ZC3H7B: variants seen among roughly 807,000 people sequenced by gnomAD.
ZC3H7B encodes zinc finger CCCH domain-containing protein 7B.
In ZC3H7B, 35 loss-of-function variants were observed where a neutral mutation model predicts 116.0. The ratio of observed to expected loss-of-function variants is 0.30; its 90% CI spans 0.23 to 0.40. ZC3H7B has a LOEUF of 0.40. Among genes scored for constraint, ZC3H7B ranks in the 10% least tolerant of loss-of-function variants. ZC3H7B has a pLI of 1.00. For missense variants in ZC3H7B, 1,011 were observed against 1,321.5 expected (o/e 0.77, Z 3.64); for synonymous variants, 502 against 545.6 (o/e 0.92, Z 1.11).
rs1369472736 is a variant in ZC3H7B at position 41,338,104 on chromosome 22, G to A, written c.583-209G>A. Among the ~76,000 whole-genome samples, 1 of 152,100 alleles carries A rather than the reference G, an allele frequency of 6.6e-6. No individual in the cohort carries two copies. Among genetic ancestry groups the A allele is most frequent in the African/African-American group, 2.4e-5 (1 of 41,406 alleles). On this transcript the variant is annotated intron_variant, in intron 7 of 22. Transcript: ENST00000352645. This position sits in a 1 kb window ranked among gnomAD's most constrained non-coding sequence, Gnocchi z 4.5. Reference sequence around the variant, plus strand: ...GCTGGTCTTGAATTTCTGACCTCAGGTGATCCACCCACCTCAGCCTCCCCA... The same window carrying A: ...GCTGGTCTTGAATTTCTGACCTCAGATGATCCACCCACCTCAGCCTCCCCA...
chr22:41,326,354 C>G (rs1316834425), intron 4 of ZC3H7B, among the ~76,000 whole-genome samples: 1 of 151,514 alleles, frequency 6.6e-6, no homozygotes, highest in Non-Finnish European at 1.5e-5. Flanking sequence ...CTCACTGTTC[C>G]TCCCATAGCC....
At position 41,343,566 on chromosome 22, in the gene ZC3H7B, C is replaced by T. The variant is rs775474233; in HGVS notation, c.1449C>T (p.Tyr483=). ...PTKTSFVGSY[Y]LCKDMINKQD... The stretch of plus-strand genomic sequence containing the variant: ...AGACCAGCTTCGTGGGCTCCTACTA[C>T]CTGTGCAAAGGTGGGTGGGCTGCAG... Residue 483 remains tyrosine (Y), a synonymous_variant, in exon 13 of 23, where the codon TAC becomes TAT. Coordinates refer to ENST00000352645, the MANE Select transcript of ZC3H7B (RefSeq NM_017590.6). The T allele has an allele frequency of 1.2e-6, 2 of 1,606,572 alleles. No individual in the cohort carries two copies. Among genetic ancestry groups the T allele is most frequent in the African/African-American group, 1.3e-5 (1 of 74,972 alleles).
intron 1 of ZC3H7B, among the ~76,000 whole-genome samples, chr22:41,312,578 A>G (rs912567274): frequency 2.6e-5 from 4 of 151,974 alleles, no homozygotes; most frequent in Non-Finnish European, 5.9e-5. Flanking sequence ...TGATACAGTG[A>G]GACCCTGCCT....
At chr22:41,303,133 T>C (rs952359178) in intron 1 of ZC3H7B, among the ~76,000 whole-genome samples, 1 of 152,214 alleles carries the variant, frequency 6.6e-6, no homozygotes, top group Non-Finnish European at 1.5e-5. Flanking sequence ...GTGGTCTTCT[T>C]TCCCCGTGTC....
chr22:41,338,174 G>A lies in ZC3H7B; in HGVS notation c.583-139G>A. On this transcript the variant is annotated intron_variant, in intron 7 of 22. Coordinates refer to ENST00000352645, the MANE Select transcript of ZC3H7B (RefSeq NM_017590.6). The surrounding 1 kb of genome is among the most constrained non-coding windows in gnomAD (Gnocchi z 4.5). ...TAAGCCACCACGCCTGGCCGCATGT[G>A]AGGGCTTTAATCTCCCCTGGCACTC... 1.2e-6 allele frequency: 1 copy of A among 861,466 alleles called. No homozygotes were observed. The highest frequency in any genetic ancestry group is 1.8e-6 in the Non-Finnish European group (1 of 562,798). 53.4% of individuals were successfully genotyped at this position (861,466 alleles called of 1,614,324 possible).
chr22:41,317,866 C>T (rs983297015), intron 1 of ZC3H7B, among the ~76,000 whole-genome samples: 12 of 152,238 alleles, frequency 7.9e-5, no homozygotes, highest in South Asian at 2.1e-4. Context: ...GGTCTCCTGA[C>T]GCATTGTTAA....
In ZC3H7B at chr22:41,349,596, G is replaced by A. The variant is rs531271896; in HGVS notation, c.1948+295G>A. Among the ~76,000 whole-genome samples, 3 of 152,288 alleles carry A rather than the reference G, an allele frequency of 2.0e-5. No individual in the cohort carries two copies. The highest frequency in any genetic ancestry group is 7.2e-5 in the African/African-American group (3 of 41,556). Reference sequence around the variant, plus strand: ...AGGGGAGAGGAGCACCTGGGCTCCTGCAGCAGGACCTCTGCTTGCTCCCTG... The same window carrying A: ...AGGGGAGAGGAGCACCTGGGCTCCTACAGCAGGACCTCTGCTTGCTCCCTG... On this transcript the variant is annotated intron_variant, in intron 16 of 22. Transcript: ENST00000352645. The surrounding 1 kb of genome is among the most constrained non-coding windows in gnomAD (Gnocchi z 4.9).
At position 41,339,139 on chromosome 22, in the gene ZC3H7B, TCTC is replaced by T; in HGVS notation, c.765_767del (p.Phe255_Ser256delinsLeu). 3.7e-6 allele frequency: 6 copies of T among 1,612,818 alleles called. No homozygotes were observed. Among genetic ancestry groups the T allele is most frequent in the Non-Finnish European group, 5.1e-6 (6 of 1,179,454 alleles). ...CCCAGCACCGACAGCCTGGATGACT[TCTC>T]AGACGGGGATGTCTTTGGCCCAGAG... is the stretch of plus-strand genomic sequence containing the variant. On this transcript the variant is annotated inframe_deletion, in exon 9 of 23. Coordinates refer to ENST00000352645, the MANE Select transcript of ZC3H7B (RefSeq NM_017590.6).
At chr22:41,339,269 A>C in intron 9 of ZC3H7B, 78 bp downstream of exon 9, 1 of 1,496,290 alleles carries the variant, frequency 6.7e-7, no homozygotes, top group Non-Finnish European at 9.0e-7. Context: ...GGTGGAGGGA[A>C]GGCCCCAATG....
In ZC3H7B at chr22:41,341,073, C is replaced by G. The variant is rs776601992; in HGVS notation, c.1139-15C>G. ...GAGCCAGAGCCACTGACCCCTGTGTCTTCTCCCTGCCCAGAGGAGACCAAC... is the reference window on the plus strand; with the variant it reads ...GAGCCAGAGCCACTGACCCCTGTGTGTTCTCCCTGCCCAGAGGAGACCAAC... On this transcript the variant is annotated splice_polypyrimidine_tract_variant and intron_variant, in intron 10 of 22. Coordinates refer to ENST00000352645, the MANE Select transcript of ZC3H7B (RefSeq NM_017590.6). 1 of 1,610,704 alleles carries G rather than the reference C, an allele frequency of 6.2e-7. No individual in the cohort carries two copies. Among genetic ancestry groups the G allele is most frequent in the East Asian group, 2.2e-5 (1 of 44,542 alleles).
Position 41,356,673 on chromosome 22 carries a change from A to G in ZC3H7B, c.2546A>G (p.Lys849Arg). The change falls in exon 22 of 23, where the codon AAG becomes AGG. Residue 849 changes from lysine to arginine, a missense_variant. By Grantham distance (26) the Lys-to-Arg change is conservative. This residue lies in a region of ZC3H7B where 406 missense variants were observed against 590.2 expected (regional missense o/e 0.69). Transcript: ENST00000352645. ...MMGYHCWLCG[K>R]NSNSKKQWQQ... ...GGCTACCACTGCTGGCTCTGCGGCAAGAACAGCAACAGCAAGAAGCAGTGG... is the reference window on the plus strand; with the variant it reads ...GGCTACCACTGCTGGCTCTGCGGCAGGAACAGCAACAGCAAGAAGCAGTGG... 1.2e-6 allele frequency: 2 copies of G among 1,613,650 alleles called. No homozygotes were observed. The highest frequency in any genetic ancestry group is 1.7e-6 in the Non-Finnish European group (2 of 1,180,000).
chr22:41,353,222 A>G (rs1315408043), intron 17 of ZC3H7B, among the ~76,000 whole-genome samples: 1 of 152,182 alleles, frequency 6.6e-6, no homozygotes, highest in Admixed American at 6.5e-5. Context: ...TGAAGAGAGC[A>G]TGGGATTGTG....
In ZC3H7B at chr22:41,355,463, C is replaced by A. The variant is rs1306817302; in HGVS notation, c.2035-6C>A. 2.5e-6 allele frequency: 4 copies of A among 1,613,908 alleles called. No individual in the cohort carries two copies. The highest frequency in any genetic ancestry group is 3.4e-6 in the Non-Finnish European group (4 of 1,179,924). ...TTCACCAACCCCCCTCCCCATCCCCCCACAGGGTGCTCCGAGGACACATGG... is the reference window on the plus strand; with the variant it reads ...TTCACCAACCCCCCTCCCCATCCCCACACAGGGTGCTCCGAGGACACATGG... On this transcript the variant is annotated splice_polypyrimidine_tract_variant and splice_region_variant and intron_variant, in intron 17 of 22. Coordinates refer to ENST00000352645, the MANE Select transcript of ZC3H7B (RefSeq NM_017590.6).
rs1401958037 is a variant in ZC3H7B, at chr22:41,357,366, G to A, written c.2871G>A (p.Gly957=). ...ACAACTTCCTGCTGCAAGAGGACGG[G>A]GACCTTGCCGGTGCCACCCCAGAAG... is the stretch of plus-strand genomic sequence containing the variant. ...GKYNFLLQED[G]DLAGATPEAP... Residue 957 remains glycine, a synonymous_variant, in exon 23 of 23, where the codon GGG becomes GGA. Coordinates refer to ENST00000352645, the MANE Select transcript of ZC3H7B (RefSeq NM_017590.6). This position sits in a 1 kb window ranked among gnomAD's most constrained non-coding sequence, Gnocchi z 5.4. 18 of 1,613,382 alleles carry A rather than the reference G, an allele frequency of 1.1e-5. No individual in the cohort carries two copies. The highest frequency in any genetic ancestry group is 2.2e-5 in the East Asian group (1 of 44,880).
chr22:41,319,855 CCT>C (rs138684284), intron 1 of ZC3H7B, among the ~76,000 whole-genome samples: 8,348 of 152,014 alleles, frequency 0.055, 295 homozygotes, highest in Non-Finnish European at 0.085. Flanking sequence ...ATAATGAAAC[CCT>C]GTCTCTACTA....
chr22:41,323,886 T>G (rs538547089), intron 2 of ZC3H7B, among the ~76,000 whole-genome samples: 1 of 152,124 alleles, frequency 6.6e-6, no homozygotes, highest in East Asian at 1.9e-4. Context: ...CCGGCTAACA[T>G]GGTGAAACCC....
intron 1 of ZC3H7B, among the ~76,000 whole-genome samples, chr22:41,309,161 G>A (rs1421553168): frequency 1.1e-4 from 17 of 151,068 alleles, no homozygotes; most frequent in Non-Finnish European, 2.2e-4. Context: ...ACAGGCGTGC[G>A]CCACCATGCC....
chr22:41,340,177 G>T, intron 10 of ZC3H7B, 40 bp downstream of exon 10: 1 of 1,552,942 alleles, frequency 6.4e-7, no homozygotes, highest in Non-Finnish European at 8.7e-7. Context: ...CCCTGGACAG[G>T]TTGCACAGTG....
Position 41,343,428 on chromosome 22 carries a change from C to G in ZC3H7B, c.1311C>G (p.Gly437=). 1 of 1,611,622 alleles carries G rather than the reference C, an allele frequency of 6.2e-7. No homozygotes were observed. The highest frequency in any genetic ancestry group is 8.5e-7 in the Non-Finnish European group (1 of 1,178,244). The part of the protein sequence containing the change: ...LCYPKTGPRA[G]DYTYREGLEH... ...CCCTGCCCATAGGCCCCCGGGCTGG[C>G]GACTACACCTACCGTGAGGGCCTTG... The change falls in exon 13 of 23, where the codon GGC becomes GGG. Residue 437 remains glycine, a synonymous_variant. Coordinates refer to ENST00000352645, the MANE Select transcript of ZC3H7B (RefSeq NM_017590.6).
Sources: allele counts gnomAD v4.1 joint callset (sites outside exome capture counted in the v4.1 genomes callset), GRCh38; gene constraint gnomAD v4.1.1; regional missense constraint gnomAD v4.1.1; non-coding constraint Gnocchi (gnomAD v3.1); transcripts MANE v1.5; gene names NCBI Gene and HGNC (gene_info 2026-07-23, HGNC 2026-07-21).